Variants in HSD17B3 observed in about 807,000 individuals in gnomAD.
HSD17B3 encodes 17-beta-hydroxysteroid dehydrogenase type 3.
A neutral mutation model predicts 41.1 loss-of-function variants in HSD17B3; 29 were observed. The ratio of observed to expected loss-of-function variants is 0.71; its 90% confidence interval spans 0.53 to 0.96. The LOEUF (loss-of-function observed/expected upper bound fraction) is 0.96. Ranked by LOEUF, HSD17B3 falls within the 40% of genes least tolerant of loss-of-function variation. The pLI, the probability that HSD17B3 is intolerant of heterozygous loss-of-function variation, is 0.00. For synonymous variants in HSD17B3, 126 were observed against 145.6 expected (o/e 0.87, Z 0.97); for missense variants, 323 against 374.6 (o/e 0.86, Z 1.14).
At chr9:96,279,779 T>G (rs968509421) in intron 2 of HSD17B3, among the ~76,000 whole-genome samples, 4 of 151,696 alleles carry the variant, frequency 2.6e-5, no homozygotes, top group African/African-American at 9.7e-5. Flanking sequence ...TGTCACTCTT[T>G]TTTTTTTTTA....
intron 6 of HSD17B3, among the ~76,000 whole-genome samples, chr9:96,246,979 C>G (rs1367458078): frequency 1.3e-5 from 2 of 152,142 alleles, no homozygotes; most frequent in Non-Finnish European, 2.9e-5. Flanking sequence ...AATTGGGGAA[C>G]TATGGGGAAA....
chr9:96,280,760 G>T (rs776519641), intron 2 of HSD17B3, among the ~76,000 whole-genome samples: 1 of 152,092 alleles, frequency 6.6e-6, no homozygotes, highest in Non-Finnish European at 1.5e-5. Flanking sequence ...ACAAAATACA[G>T]GTCATAAAGA....
intron 2 of HSD17B3, among the ~76,000 whole-genome samples, chr9:96,282,636 C>T (rs373398587): frequency 6.6e-6 from 1 of 152,190 alleles, no homozygotes; most frequent in East Asian, 1.9e-4. Context: ...CTAGGCTCCA[C>T]ACTTGGCACA....
In HSD17B3 at chr9:96,244,311, C is replaced by T. The variant is rs764460316; in HGVS notation, c.672+18G>A. ...CTCACCTGGATGATGACAAGGACTC[C>T]ACAGCTGCCCACCTCACCTGGATGA... is the stretch of plus-strand genomic sequence containing the variant. On this transcript the variant is annotated intron_variant, in intron 9 of 10. Transcript: ENST00000375263. The T allele has an allele frequency of 1.2e-6, 2 of 1,613,630 alleles. No homozygotes were observed. The highest frequency in any genetic ancestry group is 1.3e-5 in the African/African-American group (1 of 75,016).
At chr9:96,272,161 G>A (rs776126892) in intron 2 of HSD17B3, among the ~76,000 whole-genome samples, 1 of 151,202 alleles carries the variant, frequency 6.6e-6, no homozygotes, top group Non-Finnish European at 1.5e-5. Context: ...CTGAGGTCAG[G>A]AGTTTGAAAC....
chr9:96,253,003 A>C (rs1472410975), intron 3 of HSD17B3, 93 bp from the exon 4 acceptor site: 1 of 812,312 alleles, frequency 1.2e-6, no homozygotes, highest in Non-Finnish European at 2.2e-6. Flanking sequence ...TTACCTGAGC[A>C]GACATTGAAG....
At chr9:96,241,219 T>C (rs560777847) in intron 9 of HSD17B3, among the ~76,000 whole-genome samples, 13 of 152,284 alleles carry the variant, frequency 8.5e-5, no homozygotes, top group Non-Finnish European at 1.2e-4. Context: ...AAATACAGGA[T>C]GTCCAGTTAA....
Position 96,240,899 on chromosome 9 carries a change from G to C in HSD17B3, c.681C>G (p.Thr227=). Residue 227 remains threonine, a synonymous_variant, in exon 10 of 11, where the codon ACC becomes ACG. Coordinates refer to ENST00000375263, the MANE Select transcript of HSD17B3 (RefSeq NM_000197.2). The part of the protein sequence containing the change: ...KAKEVIIQVL[T]PYAVSTAMTK... ...TCATTGCAGTCGAGACAGCATATGG[G>C]GTCAGCACCTACAACGGGAAACAAA... 1 of 1,614,090 alleles carries C rather than the reference G, an allele frequency of 6.2e-7. No homozygotes were observed. The highest frequency in any genetic ancestry group is 8.5e-7 in the Non-Finnish European group (1 of 1,180,026).
chr9:96,292,092 A>T (rs1435726888), intron 2 of HSD17B3, among the ~76,000 whole-genome samples: 1 of 152,208 alleles, frequency 6.6e-6, no homozygotes, highest in Admixed American at 6.5e-5. Flanking sequence ...AAATATAATC[A>T]CTAAAGTTAA....
intron 2 of HSD17B3, among the ~76,000 whole-genome samples, chr9:96,295,088 C>A (rs1053368975): frequency 1.4e-5 from 2 of 146,486 alleles, no homozygotes; most frequent in Non-Finnish European, 3.0e-5. Context: ...CCCACTGCAA[C>A]CTTCACCTCC....
At chr9:96,292,284 G>T (rs1268388199) in intron 2 of HSD17B3, among the ~76,000 whole-genome samples, 1 of 152,192 alleles carries the variant, frequency 6.6e-6, no homozygotes. Context: ...ATGTCCATTG[G>T]AGTGTTACAA....
chr9:96,287,582 C>A (rs187455654), intron 2 of HSD17B3, among the ~76,000 whole-genome samples: 1 of 151,976 alleles, frequency 6.6e-6, no homozygotes, highest in Non-Finnish European at 1.5e-5. Context: ...TGGTGGCACA[C>A]GCCTGTAGTC....
At chr9:96,272,440 TATATATAAA>T (rs1302051793) in intron 2 of HSD17B3, among the ~76,000 whole-genome samples, 5 of 98,966 alleles carry the variant, frequency 5.1e-5, no homozygotes, top group Non-Finnish European at 8.0e-5. Context: ...TATATATATA[TATATATAAA>T]ATATATATGA....
At chr9:96,297,439 C>CA (rs1827410498) in intron 2 of HSD17B3, among the ~76,000 whole-genome samples, 1 of 149,564 alleles carries the variant, frequency 6.7e-6, no homozygotes, top group Non-Finnish European at 1.5e-5. Context: ...CTCTGCCTCC[C>CA]AGGTTCAAGA....
intron 3 of HSD17B3, 145 bp from the exon 4 acceptor site, chr9:96,253,055 G>A: frequency 1.4e-6 from 1 of 700,938 alleles, no homozygotes; most frequent in Non-Finnish European, 2.6e-6. Flanking sequence ...ACATGGTTCT[G>A]GGTAAATGTT....
intron 2 of HSD17B3, among the ~76,000 whole-genome samples, chr9:96,282,745 T>C (rs1368477193): frequency 6.6e-6 from 1 of 152,224 alleles, no homozygotes; most frequent in Admixed American, 6.5e-5. Context: ...GAAACAGTTC[T>C]ACCTGTAAGG....
intron 9 of HSD17B3, among the ~76,000 whole-genome samples, chr9:96,243,345 C>T (rs188753382): frequency 1.3e-5 from 2 of 152,228 alleles, no homozygotes; most frequent in East Asian, 1.9e-4. Context: ...GACTGTGACC[C>T]GGTGGCAAGG....
rs147484157 is a variant in HSD17B3, at chr9:96,241,306, T to A, written c.673-399A>T. ...AGTATTGCATGGGACATACTTATAC[T>A]GAAAACTATTCATAGGCATCTGAAA... On this transcript the variant is annotated intron_variant, in intron 9 of 10. Transcript: ENST00000375263. Among the ~76,000 whole-genome samples the A allele has an allele frequency of 1.5e-3, 222 of 152,358 alleles. 2 individuals carry two copies. The highest frequency in any genetic ancestry group is 5.1e-3 in the African/African-American group (213 of 41,588).
intron 9 of HSD17B3, among the ~76,000 whole-genome samples, chr9:96,241,961 A>AAAAG (rs10639612): frequency 0.19 from 19,435 of 100,490 alleles, 2,074 homozygotes; most frequent in East Asian, 0.25. Context: ...AAAGAACAGA[A>AAAAG]AAAGAAAGAA....
Sources: allele counts gnomAD v4.1 joint callset (sites outside exome capture counted in the v4.1 genomes callset), GRCh38; gene constraint gnomAD v4.1.1; transcripts MANE v1.5; gene names NCBI Gene and HGNC (gene_info 2026-07-23, HGNC 2026-07-21).